RPL7L1: variants seen among roughly 807,000 people sequenced by gnomAD.
The protein encoded by RPL7L1 is ribosomal protein L7 like 1.
RPL7L1 carries 20 observed loss-of-function variants against 30.3 expected under a neutral mutation model. The ratio of observed to expected loss-of-function variants is 0.66; its 90% CI spans 0.46 to 0.96. The LOEUF (loss-of-function observed/expected upper bound fraction) is 0.96. Among genes scored for constraint, RPL7L1 ranks in the 40% least tolerant of loss-of-function variants. RPL7L1 has a pLI of 0.00. For missense variants in RPL7L1, 271 were observed against 314.9 expected, an observed-to-expected ratio of 0.86 and a Z score of 1.05; for synonymous variants, 107 against 110.1, an observed-to-expected ratio of 0.97 and a Z score of 0.18.
chr6:42,884,503 T>C (rs1266394417), intron 3 of RPL7L1, 110 bp from the exon 4 acceptor site: 10 of 960,160 alleles, frequency 1.0e-5, no homozygotes, highest in African/African-American at 3.2e-5. Context: ...TAAGGCATAG[T>C]CTCTGTGTCT....
Position 42,879,667 on chromosome 6 carries a change from A to C in RPL7L1, c.-244A>C. On this transcript the variant is annotated 5_prime_UTR_variant, in exon 1 of 6. Transcript: ENST00000493763. The stretch of plus-strand genomic sequence containing the variant: ...CATTGTGGGAAGCACTTTGCTGTCC[A>C]CAGCCAGGCCGCTTGTGATGAAACT... 1 of 460,236 alleles carries C rather than the reference A, an allele frequency of 2.2e-6. No homozygotes were observed. Among genetic ancestry groups the C allele is most frequent in the Non-Finnish European group, 4.0e-6 (1 of 248,750 alleles). The allele number at this position is 460,236 out of a possible 1,614,324, so 28.5% of individuals were successfully genotyped here.
rs1188397164 is a variant in RPL7L1 at position 42,880,874 on chromosome 6, C to G, written c.55C>G (p.Pro19Ala). 1 of 1,594,342 alleles carries G rather than the reference C, an allele frequency of 6.3e-7. No individual in the cohort carries two copies. Among genetic ancestry groups the G allele is most frequent in the East Asian group, 2.2e-5 (1 of 44,666 alleles). Residue 19 changes from proline to alanine, a missense_variant, in exon 2 of 6, where the codon CCT (proline) becomes GCT (alanine). Transcript: ENST00000493763. ...KMAEQEQRKI[P>A]LVPENLLKKR... is the part of the protein sequence containing the mutation. Reference sequence around the variant, plus strand: ...TTTCTGCATCAGGCAAAGAAAAATCCCTTTGGTTCCAGAAAATCTCCTGAA... The same window carrying G: ...TTTCTGCATCAGGCAAAGAAAAATCGCTTTGGTTCCAGAAAATCTCCTGAA...
At chr6:42,883,783 T>G (rs1017101114) in intron 3 of RPL7L1, 169 bp downstream of exon 3, 14 of 442,606 alleles carry the variant, frequency 3.2e-5, no homozygotes, top group Non-Finnish European at 5.1e-5. Flanking sequence ...CTTAGACAGA[T>G]AGGCTTGAAA....
intron 3 of RPL7L1, chr6:42,883,852 A>C (rs1766168735): frequency 4.0e-6 from 1 of 252,788 alleles, no homozygotes; most frequent in Admixed American, 5.2e-5. Context: ...ACCCTCTCTA[A>C]AGCAGGAACT....
chr6:42,880,813 A>C lies in RPL7L1; in HGVS notation c.42-48A>C, dbSNP rs781061690. 9.0e-6 allele frequency: 10 copies of C among 1,105,108 alleles called. No individual in the cohort carries two copies. In the South Asian group the frequency reaches 1.1e-4, roughly 13 times the overall value. The allele number at this position is 1,105,108 out of a possible 1,614,324, so 68.5% of individuals were successfully genotyped here. ...CAGGCTTGAGCCACCGAGCCCGGCC[A>C]AGTGTTCTTTTCTAAATGTTATCTC... On this transcript the variant is annotated intron_variant, in intron 1 of 5. Coordinates refer to ENST00000493763, the MANE Select transcript of RPL7L1 (RefSeq NM_001366481.3).
At chr6:42,885,766 T>G in intron 4 of RPL7L1, 1 of 487,122 alleles carries the variant, frequency 2.1e-6, no homozygotes, top group African/African-American at 1.9e-5. Flanking sequence ...CATCCATAAA[T>G]TTAAATTTCT....
At chr6:42,880,003 C>A (rs757364660) in intron 1 of RPL7L1, 52 bp downstream of exon 1, 2 of 1,566,984 alleles carry the variant, frequency 1.3e-6, no homozygotes, top group Non-Finnish European at 1.8e-6. Flanking sequence ...GTATCCGGTG[C>A]CATCCACGGT....
chr6:42,883,675 G>C, intron 3 of RPL7L1, 61 bp downstream of exon 3: 1 of 1,411,266 alleles, frequency 7.1e-7, no homozygotes, highest in South Asian at 1.4e-5. Flanking sequence ...TTAAGCTTTA[G>C]ACCCCTTTCT....
chr6:42,886,666 T>G lies in RPL7L1; in HGVS notation c.*202T>G, dbSNP rs1228808375. ...TTAGGACATGGGGCTATGCATAGCC[T>G]AAGAGTTATAGGCTTAAAGATGTCG... On this transcript the variant is annotated 3_prime_UTR_variant, in exon 6 of 6. Coordinates refer to ENST00000493763, the MANE Select transcript of RPL7L1 (RefSeq NM_001366481.3). The G allele has an allele frequency of 1.8e-6, 1 of 568,358 alleles. No individual in the cohort carries two copies. Among genetic ancestry groups the G allele is most frequent in the East Asian group, 3.0e-5 (1 of 33,582 alleles). The allele number at this position is 568,358 out of a possible 1,614,324, so 35.2% of individuals were successfully genotyped here.
chr6:42,880,809 G>A (rs1040675474), intron 1 of RPL7L1, 52 bp from the exon 2 acceptor site: 4 of 1,067,280 alleles, frequency 3.7e-6, no homozygotes, highest in Non-Finnish European at 2.8e-6. Context: ...CACCGAGCCC[G>A]GCCAAGTGTT....
At chr6:42,881,013 G>A in intron 2 of RPL7L1, 47 bp downstream of exon 2, 2 of 1,031,240 alleles carry the variant, frequency 1.9e-6, no homozygotes, top group Admixed American at 1.8e-5. Flanking sequence ...TTTATTTGGT[G>A]AGTTTTATCC....
chr6:42,880,874 C>T lies in RPL7L1; in HGVS notation c.55C>T (p.Pro19Ser). The T allele has an allele frequency of 6.3e-7, 1 of 1,594,342 alleles. No homozygotes were observed. Among genetic ancestry groups the T allele is most frequent in the Non-Finnish European group, 8.6e-7 (1 of 1,163,192 alleles). The change falls in exon 2 of 6, where the codon CCT (proline) becomes TCT (serine). Residue 19 changes from proline to serine, a missense_variant. Physicochemically the swap from Pro to Ser is moderately conservative, Grantham distance 74 (BLOSUM62 -1). Coordinates refer to ENST00000493763, the MANE Select transcript of RPL7L1 (RefSeq NM_001366481.3). ...KMAEQEQRKIPLVPENLLKKR... is the reference protein window; with the variant it reads ...KMAEQEQRKISLVPENLLKKR... ...TTTCTGCATCAGGCAAAGAAAAATC[C>T]CTTTGGTTCCAGAAAATCTCCTGAA...
In RPL7L1 at chr6:42,884,709, T is replaced by C. The variant is rs760318310; in HGVS notation, c.408T>C (p.Asn136=). The change falls in exon 4 of 6, where the codon AAT becomes AAC. Residue 136 remains asparagine (N), a synonymous_variant. Coordinates refer to ENST00000493763, the MANE Select transcript of RPL7L1 (RefSeq NM_001366481.3). ...TCTTTGTAAAAGTCACCCCCCAGAA[T>C]CTAAAAATGCTGCGTATAGTGGAAC... The part of the protein sequence containing the change: ...SGVFVKVTPQ[N]LKMLRIVEPY... 6.2e-7 allele frequency: 1 copy of C among 1,614,104 alleles called. No individual in the cohort carries two copies. The highest frequency in any genetic ancestry group is 1.1e-5 in the South Asian group (1 of 91,082).
Position 42,887,184 on chromosome 6 carries a change from A to G in RPL7L1, c.*720A>G, listed in dbSNP as rs189930803. 9 of 152,310 alleles carry G rather than the reference A, an allele frequency of 5.9e-5. No homozygotes were observed. The highest frequency in any genetic ancestry group is 5.9e-4 in the Admixed American group (9 of 15,294). The allele number at this position is 152,310 out of a possible 1,614,324, so 9.4% of individuals were successfully genotyped here. A position where few individuals can be genotyped will look rare whatever the true frequency, so the allele number is the denominator to read the frequency against. ...GGTGCCAAACTGCGGTAAATTTTTT[A>G]TCAGTGAAGTGGAAGCATGTGTTTT... is the stretch of plus-strand genomic sequence containing the variant. On this transcript the variant is annotated 3_prime_UTR_variant, in exon 6 of 6. Coordinates refer to ENST00000493763, the MANE Select transcript of RPL7L1 (RefSeq NM_001366481.3).
Position 42,880,845 on chromosome 6 carries a change from C to G in RPL7L1, c.42-16C>G. The stretch of plus-strand genomic sequence containing the variant: ...CTTTTCTAAATGTTATCTCTGATCT[C>G]AATTTTCTGCATCAGGCAAAGAAAA... On this transcript the variant is annotated splice_polypyrimidine_tract_variant and intron_variant, in intron 1 of 5. Coordinates refer to ENST00000493763, the MANE Select transcript of RPL7L1 (RefSeq NM_001366481.3). 6.9e-7 allele frequency: 1 copy of G among 1,443,772 alleles called. No homozygotes were observed. Among genetic ancestry groups the G allele is most frequent in the Non-Finnish European group, 9.7e-7 (1 of 1,027,534 alleles). 89.4% of individuals were successfully genotyped at this position (1,443,772 alleles called of 1,614,324 possible).
Position 42,879,895 on chromosome 6 carries a change from T to C in RPL7L1, c.-16T>C. 1.2e-6 allele frequency: 2 copies of C among 1,613,334 alleles called. No homozygotes were observed. The highest frequency in any genetic ancestry group is 1.7e-6 in the Non-Finnish European group (2 of 1,179,510). ...AACAGAGCGTGTGCTGTCTTCCCCA[T>C]GTGGTGGGGTTGCGCATGATCAGTA... On this transcript the variant is annotated 5_prime_UTR_variant, in exon 1 of 6. The change abolishes an upstream ATG in the 5' untranslated region. Coordinates refer to ENST00000493763, the MANE Select transcript of RPL7L1 (RefSeq NM_001366481.3).
chr6:42,884,614 A>C lies in RPL7L1; in HGVS notation c.313A>C (p.Ile105Leu). 6.2e-7 allele frequency: 1 copy of C among 1,612,050 alleles called. No individual in the cohort carries two copies. The highest frequency in any genetic ancestry group is 8.5e-7 in the Non-Finnish European group (1 of 1,179,544). Residue 105 changes from isoleucine to leucine, a missense_variant and splice_region_variant, in exon 4 of 6, where the codon ATT (isoleucine) becomes CTT (leucine). Physicochemically the swap from Ile to Leu is conservative, Grantham distance 5 (BLOSUM62 2). Coordinates refer to ENST00000493763, the MANE Select transcript of RPL7L1 (RefSeq NM_001366481.3). Reference sequence around the variant, plus strand: ...GACTTCTGTTGCTGTTCATTTCAGGATTGACGGCGTGAGTTTACTGGTGCA... The same window carrying C: ...GACTTCTGTTGCTGTTCATTTCAGGCTTGACGGCGTGAGTTTACTGGTGCA... ...SLAFVVRIER[I>L]DGVSLLVQRT...
intron 1 of RPL7L1, 76 bp downstream of exon 1, chr6:42,880,027 T>C (rs1640089847): frequency 2.8e-6 from 4 of 1,417,774 alleles, no homozygotes; most frequent in Non-Finnish European, 4.0e-6. Flanking sequence ...TATGCCTTGG[T>C]GGCGGATTCC....
In RPL7L1 at chr6:42,879,654, C is replaced by T; in HGVS notation, c.-257C>T. ...GACGCCATAGGTGCATTGTGGGAAGCACTTTGCTGTCCACAGCCAGGCCGC... is the reference window on the plus strand; with the variant it reads ...GACGCCATAGGTGCATTGTGGGAAGTACTTTGCTGTCCACAGCCAGGCCGC... On this transcript the variant is annotated 5_prime_UTR_variant, in exon 1 of 6. Transcript: ENST00000493763. The T allele has an allele frequency of 2.5e-6, 1 of 404,236 alleles. No homozygotes were observed. The highest frequency in any genetic ancestry group is 4.7e-6 in the Non-Finnish European group (1 of 213,196). The allele number at this position is 404,236 out of a possible 1,614,324, so 25.0% of individuals were successfully genotyped here. A position where few individuals can be genotyped will look rare whatever the true frequency, so the allele number is the denominator to read the frequency against.
Sources: allele counts gnomAD v4.1 joint callset, GRCh38; gene constraint gnomAD v4.1.1; transcripts MANE v1.5; gene names NCBI Gene and HGNC (gene_info 2026-07-23, HGNC 2026-07-21).